Variants in IL1RAPL1 observed in about 807,000 individuals in gnomAD.
IL1RAPL1 encodes the protein interleukin 1 receptor accessory protein like 1, also known as interleukin-1 receptor accessory protein-like 1.
In IL1RAPL1, 3 loss-of-function variants were observed where a neutral mutation model predicts 48.4. The observed-to-expected ratio is 0.06, with a 90% CI of 0.03 to 0.16. The LOEUF (loss-of-function observed/expected upper bound fraction) is 0.16, where lower values mean the gene tolerates loss of function less well. Among genes scored for constraint, IL1RAPL1 ranks in the 10% least tolerant of loss-of-function variants. IL1RAPL1 has a pLI of 1.00. For missense variants in IL1RAPL1, 349 were observed against 530.6 expected (o/e 0.66, Z 3.36); for synonymous variants, 185 against 187.7 (o/e 0.99, Z 0.12).
chrX:28,891,208 T>G (rs749678630), intron 2 of IL1RAPL1, among the ~76,000 whole-genome samples: 2 of 111,857 alleles, frequency 1.8e-5, no homozygotes, highest in Non-Finnish European at 3.8e-5. Context: ...AATTAATTAA[T>G]TCAGTCAGTC....
At chrX:28,917,553 G>A (rs1923517636) in intron 2 of IL1RAPL1, among the ~76,000 whole-genome samples, 1 of 111,774 alleles carries the variant, frequency 8.9e-6, no homozygotes, top group African/African-American at 3.3e-5. Flanking sequence ...CAGTGATTCA[G>A]TGATTCTTAG....
intron 1 of IL1RAPL1, among the ~76,000 whole-genome samples, chrX:28,646,386 G>T (rs1569144639): frequency 1.8e-5 from 2 of 112,006 alleles, no homozygotes; most frequent in East Asian, 5.6e-4. Flanking sequence ...TGCAGCCCAG[G>T]GGTTGAGGAC....
chrX:28,745,261 G>A lies in IL1RAPL1; in HGVS notation c.-24-44059G>A, dbSNP rs185593291. Among the ~76,000 whole-genome samples the A allele has an allele frequency of 2.3e-4, 26 of 111,730 alleles. No individual in the cohort carries two copies. In the East Asian group the frequency reaches 7.1e-3, roughly 30 times the overall value. ...GACCCAGGGCAGCCCAAATTCTCAC[G>A]TTCATTACCTTCAGCCTTGAGCAGC... On this transcript the variant is annotated intron_variant, in intron 1 of 10. Transcript: ENST00000378993.
At chrX:29,481,304 C>G (rs1935040120) in intron 5 of IL1RAPL1, among the ~76,000 whole-genome samples, 1 of 112,639 alleles carries the variant, frequency 8.9e-6, no homozygotes, top group African/African-American at 3.2e-5. Flanking sequence ...ACTACGGTTC[C>G]TTCAAAATGT....
chrX:29,084,851 C>G (rs900741240), intron 2 of IL1RAPL1, among the ~76,000 whole-genome samples: 1 of 111,975 alleles, frequency 8.9e-6, no homozygotes, highest in African/African-American at 3.2e-5. Flanking sequence ...GCCACCATAC[C>G]TGGCTAATTT....
intron 6 of IL1RAPL1, among the ~76,000 whole-genome samples, chrX:29,752,102 A>G (rs1412709003): frequency 2.0e-5 from 2 of 98,145 alleles, no homozygotes; most frequent in Non-Finnish European, 4.1e-5. Flanking sequence ...ATATATATAT[A>G]TACACACATA....
At chrX:29,265,472 T>A (rs978527912) in intron 2 of IL1RAPL1, among the ~76,000 whole-genome samples, 4 of 109,457 alleles carry the variant, frequency 3.7e-5, no homozygotes, top group Non-Finnish European at 7.6e-5. Context: ...TTTATTTTTT[T>A]ATTTTATTAT....
At chrX:29,013,062 C>T (rs773644397) in intron 2 of IL1RAPL1, among the ~76,000 whole-genome samples, 3 of 111,691 alleles carry the variant, frequency 2.7e-5, no homozygotes, top group African/African-American at 9.8e-5. Flanking sequence ...AGAGCTGAAA[C>T]TGGTCCTGTC....
intron 2 of IL1RAPL1, among the ~76,000 whole-genome samples, chrX:28,876,312 G>A (rs956790724): frequency 3.6e-5 from 4 of 111,733 alleles, no homozygotes; most frequent in South Asian, 7.4e-4. Flanking sequence ...AAATGCTGTC[G>A]TCCAGAAGTG....
At chrX:28,663,966 G>T (rs1359739325) in intron 1 of IL1RAPL1, among the ~76,000 whole-genome samples, 1 of 112,149 alleles carries the variant, frequency 8.9e-6, no homozygotes, top group Non-Finnish European at 1.9e-5. Context: ...ATGAGCCTGA[G>T]AATTCATTCG....
intron 6 of IL1RAPL1, among the ~76,000 whole-genome samples, chrX:29,848,437 CA>C (rs34964717): frequency 2.4e-3 from 217 of 91,740 alleles, no homozygotes; most frequent in Middle Eastern, 5.6e-3. Context: ...CAAAATATAG[CA>C]AAAAAAAAAA....
intron 1 of IL1RAPL1, among the ~76,000 whole-genome samples, chrX:28,740,992 G>A (rs899385649): frequency 2.1e-4 from 24 of 111,842 alleles, no homozygotes; most frequent in African/African-American, 5.5e-4. Context: ...TTGGTCTGTC[G>A]TCCACAATGA....
chrX:29,544,161 A>C (rs1223807536), intron 5 of IL1RAPL1, among the ~76,000 whole-genome samples: 1 of 111,676 alleles, frequency 9.0e-6, no homozygotes, highest in African/African-American at 3.3e-5. Context: ...ATGTGCAGAA[A>C]GATTTTAAAA....
intron 5 of IL1RAPL1, among the ~76,000 whole-genome samples, chrX:29,644,543 T>C (rs763487312): frequency 5.3e-4 from 56 of 105,028 alleles, no homozygotes; most frequent in Non-Finnish European, 1.0e-3. Flanking sequence ...TTGTCTATCA[T>C]GTGTTTTTTT....
In IL1RAPL1 at chrX:29,142,555, G is replaced by A. The variant is rs369060532; in HGVS notation, c.83-140383G>A. 1.2e-4 allele frequency among the ~76,000 whole-genome samples: 13 copies of A among 111,980 alleles called. No homozygotes were observed. The South Asian group carries it at 1.9e-3, about 16-fold the overall frequency. The stretch of plus-strand genomic sequence containing the variant: ...ATAGATCAGTTCATCATATTGTATC[G>A]ACGTTAATTTCCTCATTTTAATAAT... On this transcript the variant is annotated intron_variant, in intron 2 of 10. Coordinates refer to ENST00000378993, the MANE Select transcript of IL1RAPL1 (RefSeq NM_014271.4).
intron 6 of IL1RAPL1, among the ~76,000 whole-genome samples, chrX:29,704,729 G>A (rs1927147500): frequency 9.0e-6 from 1 of 111,165 alleles, no homozygotes; most frequent in Admixed American, 9.5e-5. Flanking sequence ...ATTTCACCCA[G>A]GTTGAACTAA....
chrX:29,228,376 A>G, intron 2 of IL1RAPL1, among the ~76,000 whole-genome samples: 1 of 41,703 alleles, frequency 2.4e-5, no homozygotes, highest in Non-Finnish European at 6.1e-5. Context: ...TGTGTGTGAG[A>G]CAGAGTCTCA....
chrX:28,947,355 C>T (rs1205879180), intron 2 of IL1RAPL1, among the ~76,000 whole-genome samples: 1 of 111,627 alleles, frequency 9.0e-6, no homozygotes. Flanking sequence ...CTGGTTTATT[C>T]ACGTATTCAA....
chrX:29,358,831 C>T (rs1207837267), intron 3 of IL1RAPL1, among the ~76,000 whole-genome samples: 1 of 110,135 alleles, frequency 9.1e-6, no homozygotes, highest in Non-Finnish European at 1.9e-5. Context: ...CCAGCCTGGC[C>T]AACATATTGA....
Sources: allele counts gnomAD v4.1 joint callset (sites outside exome capture counted in the v4.1 genomes callset), GRCh38; gene constraint gnomAD v4.1.1; transcripts MANE v1.5; gene names NCBI Gene and HGNC (gene_info 2026-07-23, HGNC 2026-07-21).